CYP4Z1: variants seen among roughly 807,000 people sequenced by gnomAD.
CYP4Z1 encodes cytochrome P450 4Z1.
Under a neutral mutation model 54.2 loss-of-function variants are expected in CYP4Z1, and 41 were observed. The ratio of observed to expected loss-of-function variants is 0.76; its 90% CI spans 0.59 to 0.98. CYP4Z1 has a LOEUF of 0.98. Among genes scored for constraint, CYP4Z1 ranks in the 50% least tolerant of loss-of-function variants. CYP4Z1 has a pLI of 0.00. For synonymous variants in CYP4Z1, 163 were observed against 206.2 expected (o/e 0.79, Z 1.79); for missense variants, 513 against 599.0 (o/e 0.86, Z 1.50).
chr1:47,106,963 C>T (rs1338344568), intron 9 of CYP4Z1, among the ~76,000 whole-genome samples: 4 of 152,212 alleles, frequency 2.6e-5, no homozygotes. Flanking sequence ...CTACAACTTC[C>T]TCCAATTTAA....
intron 2 of CYP4Z1, among the ~76,000 whole-genome samples, chr1:47,077,286 A>C (rs1040552274): frequency 3.6e-4 from 54 of 152,094 alleles, no homozygotes; most frequent in African/African-American, 1.3e-3. Context: ...TTTATATATT[A>C]TAACTGTTAT....
At chr1:47,083,120 TAA>T (rs1644567697) in intron 4 of CYP4Z1, among the ~76,000 whole-genome samples, 1 of 152,006 alleles carries the variant, frequency 6.6e-6, no homozygotes, top group South Asian at 2.1e-4. Context: ...ACTCAAAGAC[TAA>T]GTTTCTAAGA....
intron 4 of CYP4Z1, among the ~76,000 whole-genome samples, chr1:47,083,146 G>C (rs1644567848): frequency 6.6e-6 from 1 of 152,038 alleles, no homozygotes; most frequent in Non-Finnish European, 1.5e-5. Context: ...CAGGCATGGA[G>C]TAAAGCAATT....
chr1:47,094,567 G>C lies in CYP4Z1; in HGVS notation c.774G>C (p.Glu258Asp). The C allele has an allele frequency of 6.4e-7, 1 of 1,567,458 alleles. No homozygotes were observed. Among genetic ancestry groups the C allele is most frequent in the Non-Finnish European group, 8.7e-7 (1 of 1,155,920 alleles). Residue 258 changes from glutamate to aspartate, a missense_variant and splice_region_variant, in exon 7 of 12, where the codon GAG becomes GAC. Glu to Asp is a conservative substitution (Grantham distance 45, BLOSUM62 2). Coordinates refer to ENST00000334194, the MANE Select transcript of CYP4Z1 (RefSeq NM_178134.3). ...AAAGATCATAATTTTTCCATCTAGAGAAAGTAATCCAGGACCGGAAGGAGT... is the reference window on the plus strand; with the variant it reads ...AAAGATCATAATTTTTCCATCTAGACAAAGTAATCCAGGACCGGAAGGAGT... ...KFNQELHQFT[E>D]KVIQDRKESL... is the part of the protein sequence containing the mutation.
intron 6 of CYP4Z1, among the ~76,000 whole-genome samples, chr1:47,089,824 C>G (rs1365551736): frequency 6.6e-6 from 1 of 152,256 alleles, no homozygotes; most frequent in Non-Finnish European, 1.5e-5. Flanking sequence ...CAGGCAGTAG[C>G]AAGAAAGAAT....
At chr1:47,095,181 G>A (rs982567758) in intron 7 of CYP4Z1, among the ~76,000 whole-genome samples, 17 of 152,006 alleles carry the variant, frequency 1.1e-4, no homozygotes, top group Admixed American at 9.8e-4. Flanking sequence ...CTCGACATGT[G>A]GTCTATAGAC....
rs768490505 is a variant in CYP4Z1, at chr1:47,106,123, C to A, written c.1068-5C>A. The A allele has an allele frequency of 6.2e-7, 1 of 1,612,316 alleles. No homozygotes were observed. The highest frequency in any genetic ancestry group is 2.2e-5 in the East Asian group (1 of 44,836). On this transcript the variant is annotated splice_polypyrimidine_tract_variant and splice_region_variant and intron_variant, in intron 8 of 11. Transcript: ENST00000334194. The stretch of plus-strand genomic sequence containing the variant: ...CTTTTCCTTTCCTCCTGTGCTTCTA[C>A]CCAGGGAACACCTGAGCCAGATGCC...
intron 8 of CYP4Z1, 23 bp downstream of exon 8, chr1:47,099,307 A>G (rs1405999871): frequency 6.4e-7 from 1 of 1,554,158 alleles, no homozygotes; most frequent in East Asian, 2.3e-5. Flanking sequence ...TTCCTATTTC[A>G]TCCTGAATTT....
chr1:47,089,583 CTG>C (rs1188507744), intron 6 of CYP4Z1, among the ~76,000 whole-genome samples: 1 of 152,226 alleles, frequency 6.6e-6, no homozygotes, highest in African/African-American at 2.4e-5. Flanking sequence ...GTATCAAACT[CTG>C]TTATGGCCTA....
chr1:47,106,738 C>A (rs1644760379), intron 9 of CYP4Z1, among the ~76,000 whole-genome samples: 1 of 152,098 alleles, frequency 6.6e-6, no homozygotes, highest in African/African-American at 2.4e-5. Context: ...CATGATGTAG[C>A]CAGATCATAG....
chr1:47,092,321 C>T (rs1447155027), intron 6 of CYP4Z1, among the ~76,000 whole-genome samples: 1 of 151,952 alleles, frequency 6.6e-6, no homozygotes, highest in Non-Finnish European at 1.5e-5. Context: ...CCCCCTGGTC[C>T]CTATTATAAA....
At chr1:47,057,344 A>ATATATATATATATATATATATG in the CYP4Z1 span, among the ~76,000 whole-genome samples, 1 of 59,076 alleles carries the variant, frequency 1.7e-5, no homozygotes, top group African/African-American at 6.3e-5. Context: ...AAATATATAT[A>ATATATATATATATATATATATG]TATATATATA....
chr1:47,079,315 A>C (rs1435210384), intron 2 of CYP4Z1, among the ~76,000 whole-genome samples: 2 of 152,130 alleles, frequency 1.3e-5, no homozygotes, highest in Non-Finnish European at 2.9e-5. Flanking sequence ...TTTCTGATTA[A>C]GTGTGCACCT....
At chr1:47,089,775 G>A (rs1644625404) in intron 6 of CYP4Z1, among the ~76,000 whole-genome samples, 1 of 152,238 alleles carries the variant, frequency 6.6e-6, no homozygotes. Context: ...CTCAGGAGGA[G>A]GCCCAACTGC....
chr1:47,065,870 T>C (rs576269383), upstream of CYP4Z1, among the ~76,000 whole-genome samples: 1 of 152,058 alleles, frequency 6.6e-6, no homozygotes, highest in East Asian at 1.9e-4. Flanking sequence ...ACCAGAGAAA[T>C]ACAAAAGATT....
At position 47,116,732 on chromosome 1, in the gene CYP4Z1, G is replaced by A; in HGVS notation, c.1349G>A (p.Arg450Lys). The A allele has an allele frequency of 6.2e-7, 1 of 1,603,730 alleles. No individual in the cohort carries two copies. The highest frequency in any genetic ancestry group is 8.5e-7 in the Non-Finnish European group (1 of 1,172,902). Residue 450 changes from arginine to lysine, a missense_variant and splice_region_variant, in exon 11 of 12, where the codon AGG becomes AAG. Coordinates refer to ENST00000334194, the MANE Select transcript of CYP4Z1 (RefSeq NM_178134.3). ...TTCATACCATTCTCAGCTGGATTAA[G>A]GTAAAGACTCAAGCTGGTGAACTTG... ...YAFIPFSAGLRNCIGQHFAII... is the reference protein window; with the variant it reads ...YAFIPFSAGLKNCIGQHFAII...
chr1:47,064,711 T>C (rs555959638), upstream of CYP4Z1, among the ~76,000 whole-genome samples: 3 of 152,040 alleles, frequency 2.0e-5, no homozygotes, highest in Non-Finnish European at 4.4e-5. Context: ...ATACTAATAT[T>C]GAGTGTAAAT....
intron 9 of CYP4Z1, among the ~76,000 whole-genome samples, chr1:47,113,091 C>T (rs1644804826): frequency 6.6e-6 from 1 of 152,130 alleles, no homozygotes; most frequent in Non-Finnish European, 1.5e-5. Context: ...AGCATGACCT[C>T]TTTCCCATTT....
At chr1:47,055,874 C>T in the CYP4Z1 span, among the ~76,000 whole-genome samples, 1 of 151,200 alleles carries the variant, frequency 6.6e-6, no homozygotes, top group East Asian at 1.9e-4. Flanking sequence ...AAGCCAGCTC[C>T]TGGATTCATT....
Sources: gnomAD v4.1 joint callset for allele counts (sites outside exome capture counted in the v4.1 genomes callset) on GRCh38, gnomAD v4.1.1 for gene constraint, MANE v1.5 for transcripts, NCBI Gene and HGNC (gene_info 2026-07-23, HGNC 2026-07-21) for gene names.